Variants in GABBR1 observed in about 807,000 individuals in gnomAD.
The protein encoded by GABBR1 is gamma-aminobutyric acid type B receptor subunit 1.
GABBR1 carries 35 observed loss-of-function variants against 117.7 expected under a neutral mutation model. The observed-to-expected ratio is 0.30, with a 90% CI of 0.23 to 0.39. The LOEUF is 0.39. Among genes scored for constraint, GABBR1 ranks in the 10% least tolerant of loss-of-function variants. The probability of loss-of-function intolerance (pLI) is 1.00; values close to 1 mark genes in which losing one functional copy is unlikely to be tolerated. For missense variants in GABBR1, 709 were observed against 1,241.8 expected (o/e 0.57, Z 6.45); for synonymous variants, 442 against 486.6 (o/e 0.91, Z 1.21).
chr6:29,618,664 C>A (rs1763424457), intron 11 of GABBR1, among the ~76,000 whole-genome samples: 1 of 152,116 alleles, frequency 6.6e-6, no homozygotes, highest in Non-Finnish European at 1.5e-5. Flanking sequence ...ATGCCACCTC[C>A]CACATTCCCC....
In GABBR1 at chr6:29,625,737, C is replaced by G. The variant is rs183214400; in HGVS notation, c.658-1713G>C. Among the ~76,000 whole-genome samples the G allele has an allele frequency of 1.1e-4, 17 of 152,274 alleles. No individual in the cohort carries two copies. The East Asian group carries it at 3.1e-3, about 28-fold the overall frequency. ...CCGCCACCTCCAGGGAATCACCTGTCATGGTGGATGAGTTTGAGCTCACAG... is the reference window on the plus strand; with the variant it reads ...CCGCCACCTCCAGGGAATCACCTGTGATGGTGGATGAGTTTGAGCTCACAG... On this transcript the variant is annotated intron_variant, in intron 6 of 22. Transcript: ENST00000377034.
In GABBR1 at chr6:29,606,804, C is replaced by A; in HGVS notation, c.2217+93G>T. 1 of 1,033,664 alleles carries A rather than the reference C, an allele frequency of 9.7e-7. No individual in the cohort carries two copies. The allele number at this position is 1,033,664 out of a possible 1,614,324, so 64.0% of individuals were successfully genotyped here. On this transcript the variant is annotated intron_variant, in intron 18 of 22. Transcript: ENST00000377034. The surrounding 1 kb of genome is among the most constrained non-coding windows in gnomAD (Gnocchi z 4.5). The stretch of plus-strand genomic sequence containing the variant: ...CGAGGAAGGCACTCTCTCCAAGTAG[C>A]TTCATCCCTCAAGACACACACAGCC...
In GABBR1 at chr6:29,631,609, G is replaced by C; in HGVS notation, c.86-10C>G. ...TGTATGATCTGGCAACCTAAGGGGT[G>C]AGTCGGGGAGGCATACAGAGAGGAA... On this transcript the variant is annotated splice_polypyrimidine_tract_variant and intron_variant, in intron 2 of 22. Transcript: ENST00000377034. The surrounding 1 kb of genome is among the most constrained non-coding windows in gnomAD (Gnocchi z 5.9). The C allele has an allele frequency of 6.2e-7, 1 of 1,613,110 alleles. No homozygotes were observed. Among genetic ancestry groups the C allele is most frequent in the Non-Finnish European group, 8.5e-7 (1 of 1,179,072 alleles).
At position 29,627,548 on chromosome 6, in the gene GABBR1, C is replaced by T. The variant is rs1488031773; in HGVS notation, c.595G>A (p.Val199Met). The T allele has an allele frequency of 6.3e-7, 1 of 1,591,422 alleles. No individual in the cohort carries two copies. Among genetic ancestry groups the T allele is most frequent in the Non-Finnish European group, 8.6e-7 (1 of 1,169,156 alleles). The part of the protein sequence containing the change: ...QPAVEMALED[V>M]NSRRDILPDY... ...GGCAGGATGTCCCTGCGGCTATTCA[C>T]GTCCTCCAGCGCCATCTCCACCGCG... The change falls in exon 6 of 23, where the codon GTG (valine) becomes ATG (methionine). Residue 199 changes from valine to methionine, a missense_variant. Val to Met is a conservative substitution (Grantham distance 21). Transcript: ENST00000377034. The surrounding 1 kb of genome is among the most constrained non-coding windows in gnomAD (Gnocchi z 4.4).
At position 29,621,155 on chromosome 6, in the gene GABBR1, G is replaced by A; in HGVS notation, c.1269C>T (p.Ile423=). ...GATTCAGCATGACAATCTCAGTTGT[G>A]ATGTGGCCCTCCACCGCCTCAGTCA... ...DEMTEAVEGH[I]TTEIVMLNPA... is the part of the protein sequence containing the mutation. Residue 423 remains isoleucine, a synonymous_variant, in exon 11 of 23, where the codon ATC becomes ATT. Transcript: ENST00000377034. This position sits in a 1 kb window ranked among gnomAD's most constrained non-coding sequence, Gnocchi z 5.0. The A allele has an allele frequency of 6.2e-7, 1 of 1,613,052 alleles. No individual in the cohort carries two copies. The highest frequency in any genetic ancestry group is 8.5e-7 in the Non-Finnish European group (1 of 1,180,028).
At position 29,622,351 on chromosome 6, in the gene GABBR1, C is replaced by A; in HGVS notation, c.964-146G>T. ...AACCTTCCTTCAACAGCTTCTGTCC[C>A]TGAAGTGAGGAGTTCGGGAAGGCAT... On this transcript the variant is annotated intron_variant, in intron 8 of 22. Transcript: ENST00000377034. This position sits in a 1 kb window ranked among gnomAD's most constrained non-coding sequence, Gnocchi z 4.6. 1.6e-6 allele frequency: 1 copy of A among 639,598 alleles called. No homozygotes were observed. Among genetic ancestry groups the A allele is most frequent in the Non-Finnish European group, 2.8e-6 (1 of 357,322 alleles). 39.6% of individuals were successfully genotyped at this position (639,598 alleles called of 1,614,324 possible). A position where few individuals can be genotyped will look rare whatever the true frequency, so the allele number is the denominator to read the frequency against.
chr6:29,609,021 CTT>C lies in GABBR1; in HGVS notation c.1859+206_1859+207del, dbSNP rs1448252595. Among the ~76,000 whole-genome samples, 1 of 152,152 alleles carries C rather than the reference CTT, an allele frequency of 6.6e-6. No homozygotes were observed. The highest frequency in any genetic ancestry group is 1.5e-5 in the Non-Finnish European group (1 of 68,018). On this transcript the variant is annotated intron_variant, in intron 15 of 22. Transcript: ENST00000377034. The surrounding 1 kb of genome is among the most constrained non-coding windows in gnomAD (Gnocchi z 4.3). ...CTGGCCCCAAAGGTTGTTTTTTTCT[CTT>C]CTTTTCTTTTTTCCTCCCGTTAGCT...
In GABBR1 at chr6:29,627,659, G is replaced by A; in HGVS notation, c.497-13C>T. 6.5e-7 allele frequency: 1 copy of A among 1,542,504 alleles called. No individual in the cohort carries two copies. Among genetic ancestry groups the A allele is most frequent in the African/African-American group, 1.4e-5 (1 of 73,262 alleles). Reference sequence around the variant, plus strand: ...ACTGCGCGCCGTTCTGAGGAGGGGTGCGGGGGGACCCGCGAGTGAGGCCGC... The same window carrying A: ...ACTGCGCGCCGTTCTGAGGAGGGGTACGGGGGGACCCGCGAGTGAGGCCGC... On this transcript the variant is annotated splice_polypyrimidine_tract_variant and intron_variant, in intron 5 of 22. Coordinates refer to ENST00000377034, the MANE Select transcript of GABBR1 (RefSeq NM_001470.4). This position sits in a 1 kb window ranked among gnomAD's most constrained non-coding sequence, Gnocchi z 4.4.
intron 6 of GABBR1, among the ~76,000 whole-genome samples, chr6:29,624,968 G>A (rs866206366): frequency 3.3e-5 from 5 of 151,992 alleles, no homozygotes; most frequent in African/African-American, 1.2e-4. Flanking sequence ...GGGGGCTCAG[G>A]GGACTAAGGA....
rs188026327 is a variant in GABBR1 at position 29,618,749 on chromosome 6, T to C, written c.1323+2352A>G. Among the ~76,000 whole-genome samples, 53 of 152,300 alleles carry C rather than the reference T, an allele frequency of 3.5e-4. No homozygotes were observed. In the East Asian group the frequency reaches 7.9e-3, roughly 23 times the overall value. ...TTCCACATATTGCCCCTAAAGATGT[T>C]TTCTCTAAACTAGGGTTTCTCATTC... On this transcript the variant is annotated intron_variant, in intron 11 of 22. Transcript: ENST00000377034.
chr6:29,603,004 C>A lies in GABBR1; in HGVS notation c.*539G>T. On this transcript the variant is annotated 3_prime_UTR_variant, in exon 23 of 23. Transcript: ENST00000377034. The stretch of plus-strand genomic sequence containing the variant: ...GAGGCAAGGAGCATGTGAGCCTTGG[C>A]GAAAAGAATGAGCTCCCAAAGGAAG... 2.2e-6 allele frequency: 1 copy of A among 456,616 alleles called. No individual in the cohort carries two copies. The highest frequency in any genetic ancestry group is 4.4e-6 in the Non-Finnish European group (1 of 226,986). 28.3% of individuals were successfully genotyped at this position (456,616 alleles called of 1,614,324 possible). A position where few individuals can be genotyped will look rare whatever the true frequency, so the allele number is the denominator to read the frequency against.
In GABBR1 at chr6:29,630,840, A is replaced by C. The variant is rs1264586916; in HGVS notation, c.290-197T>G. On this transcript the variant is annotated intron_variant, in intron 3 of 22. Coordinates refer to ENST00000377034, the MANE Select transcript of GABBR1 (RefSeq NM_001470.4). This position sits in a 1 kb window ranked among gnomAD's most constrained non-coding sequence, Gnocchi z 4.9. ...CATCCACACATTCCCAAAAGAAAAA[A>C]AAAATTACCATTTTAGGAACCCAAG... Among the ~76,000 whole-genome samples the C allele has an allele frequency of 6.6e-6, 1 of 152,148 alleles. No homozygotes were observed. Among genetic ancestry groups the C allele is most frequent in the African/African-American group, 2.4e-5 (1 of 41,418 alleles).
Position 29,630,738 on chromosome 6 carries a change from A to G in GABBR1, c.290-95T>C, listed in dbSNP as rs1385342403. On this transcript the variant is annotated intron_variant, in intron 3 of 22. Transcript: ENST00000377034. The surrounding 1 kb of genome is among the most constrained non-coding windows in gnomAD (Gnocchi z 4.9). ...ACTCAGGTGCAGGTTTGGGTCCACA[A>G]GCATCCTGCTCTAAAGAAAATCACA... 2.0e-6 allele frequency: 2 copies of G among 977,846 alleles called. No homozygotes were observed. Among genetic ancestry groups the G allele is most frequent in the African/African-American group, 1.6e-5 (1 of 61,622 alleles). 60.6% of individuals were successfully genotyped at this position (977,846 alleles called of 1,614,324 possible). A position where few individuals can be genotyped will look rare whatever the true frequency, so the allele number is the denominator to read the frequency against.
intron 11 of GABBR1, among the ~76,000 whole-genome samples, chr6:29,615,222 G>A (rs1302518719): frequency 6.6e-6 from 1 of 151,512 alleles, no homozygotes; most frequent in Non-Finnish European, 1.5e-5. Context: ...AACCCAGGAG[G>A]TGGAGGTTAC....
chr6:29,629,410 T>C (rs1245150896), intron 4 of GABBR1, among the ~76,000 whole-genome samples: 1 of 152,090 alleles, frequency 6.6e-6, no homozygotes, highest in Non-Finnish European at 1.5e-5. Context: ...TGGGAGTCTT[T>C]AAGAAAAAAA....
At chr6:29,624,352 C>A (rs942492241) in intron 6 of GABBR1, 4 of 202,360 alleles carry the variant, frequency 2.0e-5, no homozygotes, top group Non-Finnish European at 4.0e-5. Flanking sequence ...AAGCCCTTTA[C>A]CCCATGTTTC....
Position 29,605,490 on chromosome 6 carries a change from G to C in GABBR1, c.2439+79C>G, listed in dbSNP as rs1761852099. Reference sequence around the variant, plus strand: ...TTCTAAGCAACCGATCCCAGATCTAGCATTGATTCTTCCTAGTCCTCTATA... The same window carrying C: ...TTCTAAGCAACCGATCCCAGATCTACCATTGATTCTTCCTAGTCCTCTATA... On this transcript the variant is annotated intron_variant, in intron 20 of 22. Transcript: ENST00000377034. The surrounding 1 kb of genome is among the most constrained non-coding windows in gnomAD (Gnocchi z 4.2). 7 of 1,522,064 alleles carry C rather than the reference G, an allele frequency of 4.6e-6. No homozygotes were observed. In the East Asian group the frequency reaches 1.6e-4, roughly 34 times the overall value. 94.3% of individuals were successfully genotyped at this position (1,522,064 alleles called of 1,614,324 possible). A position where few individuals can be genotyped will look rare whatever the true frequency, so the allele number is the denominator to read the frequency against.
At position 29,606,581 on chromosome 6, in the gene GABBR1, G is replaced by C. The variant is rs1436940732; in HGVS notation, c.2218-97C>G. 1 of 861,250 alleles carries C rather than the reference G, an allele frequency of 1.2e-6. No homozygotes were observed. The highest frequency in any genetic ancestry group is 2.4e-5 in the East Asian group (1 of 41,452). The allele number at this position is 861,250 out of a possible 1,614,324, so 53.4% of individuals were successfully genotyped here. The stretch of plus-strand genomic sequence containing the variant: ...CTGGCTTCCAACTGTTTTCCTATGA[G>C]ACCCTCAATGCTGATGCCAAATCTC... On this transcript the variant is annotated intron_variant, in intron 18 of 22. Coordinates refer to ENST00000377034, the MANE Select transcript of GABBR1 (RefSeq NM_001470.4). The surrounding 1 kb of genome is among the most constrained non-coding windows in gnomAD (Gnocchi z 4.5).
chr6:29,625,077 C>T (rs572969637), intron 6 of GABBR1, among the ~76,000 whole-genome samples: 18 of 151,876 alleles, frequency 1.2e-4, no homozygotes, highest in South Asian at 6.3e-4. Context: ...ATTTGGGACA[C>T]GGTGGGAAGT....
Sources: allele counts gnomAD v4.1 joint callset (sites outside exome capture counted in the v4.1 genomes callset), GRCh38; gene constraint gnomAD v4.1.1; non-coding constraint Gnocchi (gnomAD v3.1); transcripts MANE v1.5; gene names NCBI Gene and HGNC (gene_info 2026-07-23, HGNC 2026-07-21).